Variants in MYO1D observed in about 807,000 individuals in gnomAD.
MYO1D encodes unconventional myosin-Id.
In MYO1D, 83 loss-of-function variants were observed where a neutral mutation model predicts 122.0. The ratio of observed to expected loss-of-function variants is 0.68; its 90% CI spans 0.57 to 0.82. The LOEUF is 0.82. Ranked by LOEUF, MYO1D falls within the 40% of genes least tolerant of loss-of-function variation. The pLI is 0.00. For missense variants in MYO1D, 1,157 were observed against 1,269.5 expected (o/e 0.91, Z 1.35); for synonymous variants, 464 against 446.9 (o/e 1.04, Z -0.48).
At chr17:32,524,129 TTG>T (rs1161346732) in intron 21 of MYO1D, among the ~76,000 whole-genome samples, 3 of 152,158 alleles carry the variant, frequency 2.0e-5, no homozygotes, top group Non-Finnish European at 4.4e-5. Context: ...AATAAAAAAG[TTG>T]TTGGTGCTTT....
intron 16 of MYO1D, among the ~76,000 whole-genome samples, 163 bp downstream of exon 16, chr17:32,711,825 G>T (rs1290911499): frequency 6.6e-6 from 1 of 152,138 alleles, no homozygotes; most frequent in Non-Finnish European, 1.5e-5. Flanking sequence ...GGGCAACCAA[G>T]TAAGTTTTCC....
intron 14 of MYO1D, among the ~76,000 whole-genome samples, chr17:32,728,298 C>T (rs774384084): frequency 1.3e-5 from 2 of 151,882 alleles, no homozygotes; most frequent in Non-Finnish European, 2.9e-5. Context: ...CTCGGACTCC[C>T]GGGTTCACGT....
intron 12 of MYO1D, among the ~76,000 whole-genome samples, chr17:32,747,555 G>A (rs1019368982): frequency 1.3e-5 from 2 of 152,104 alleles, no homozygotes; most frequent in Admixed American, 6.5e-5. Context: ...GAGGCAGAGC[G>A]GCCAGGCTCG....
intron 15 of MYO1D, among the ~76,000 whole-genome samples, chr17:32,714,566 T>G (rs1193094192): frequency 6.6e-6 from 1 of 152,160 alleles, no homozygotes; most frequent in African/African-American, 2.4e-5. Flanking sequence ...AAACAAGCAA[T>G]GGGGAAAGGA....
At chr17:32,802,640 C>T (rs2090470424) in intron 1 of MYO1D, among the ~76,000 whole-genome samples, 2 of 152,086 alleles carry the variant, frequency 1.3e-5, no homozygotes, top group South Asian at 4.2e-4. Context: ...GTAAGAAGAC[C>T]ATTAAAAACT....
rs571748672 is a variant in MYO1D at position 32,809,135 on chromosome 17, A to T, written c.96-28351T>A. ...GTTTTTATTCATTTTTGTTTTTGATAAAAAAAAAAAAAAAAACTGTCACCC... is the reference window on the plus strand; with the variant it reads ...GTTTTTATTCATTTTTGTTTTTGATTAAAAAAAAAAAAAAAACTGTCACCC... On this transcript the variant is annotated intron_variant, in intron 1 of 21. Transcript: ENST00000318217. Among the ~76,000 whole-genome samples the T allele has an allele frequency of 1.6e-3, 65 of 41,232 alleles. No individual in the cohort carries two copies. In the South Asian group the frequency reaches 0.032, roughly 20 times the overall value. The allele number at this position is 41,232 out of a possible 152,430, so 27.0% of individuals were successfully genotyped here.
chr17:32,506,459 G>A (rs1385623542), intron 21 of MYO1D, among the ~76,000 whole-genome samples: 4 of 152,042 alleles, frequency 2.6e-5, no homozygotes, highest in Admixed American at 2.0e-4. Context: ...ATAATAATGG[G>A]AAACAGATAC....
At chr17:32,562,395 A>G (rs1160967201) in intron 21 of MYO1D, among the ~76,000 whole-genome samples, 2 of 98,826 alleles carry the variant, frequency 2.0e-5, no homozygotes. Context: ...CCAGTTTTTT[A>G]CTATTTATAA....
intron 1 of MYO1D, among the ~76,000 whole-genome samples, chr17:32,804,194 T>C (rs965439629): frequency 5.9e-5 from 9 of 152,184 alleles, no homozygotes; most frequent in African/African-American, 1.9e-4. Context: ...TGCCCAATAC[T>C]ATGCAAACAC....
intron 21 of MYO1D, among the ~76,000 whole-genome samples, chr17:32,511,416 G>A (rs1408361916): frequency 6.6e-6 from 1 of 151,820 alleles, no homozygotes; most frequent in Non-Finnish European, 1.5e-5. Flanking sequence ...GTAGAGATGG[G>A]GTCTCACTAG....
rs183413125 is a variant in MYO1D at position 32,853,507 on chromosome 17, G to T, written c.95+23271C>A. On this transcript the variant is annotated intron_variant, in intron 1 of 21. Coordinates refer to ENST00000318217, the MANE Select transcript of MYO1D (RefSeq NM_015194.3). The stretch of plus-strand genomic sequence containing the variant: ...TCCGTTTACCTCCCAGAAATAGTTG[G>T]ATGCATCCTCCTCTGAGTTCCTGGG... Among the ~76,000 whole-genome samples, 48 of 152,242 alleles carry T rather than the reference G, an allele frequency of 3.2e-4. 1 individual carries two copies. The highest frequency in any genetic ancestry group is 6.8e-3 in the Middle Eastern group (2 of 294).
chr17:32,854,272 T>C (rs2091011166), intron 1 of MYO1D, among the ~76,000 whole-genome samples: 2 of 152,216 alleles, frequency 1.3e-5, no homozygotes, highest in South Asian at 4.1e-4. Flanking sequence ...CATAAGAGCT[T>C]ACATGAAGGA....
intron 21 of MYO1D, among the ~76,000 whole-genome samples, chr17:32,596,658 A>C (rs943884318): frequency 6.6e-6 from 1 of 152,246 alleles, no homozygotes; most frequent in Non-Finnish European, 1.5e-5. Flanking sequence ...GAAGAACAAG[A>C]AGCAGATGGC....
At chr17:32,511,171 C>T (rs545366216) in intron 21 of MYO1D, among the ~76,000 whole-genome samples, 71 of 151,948 alleles carry the variant, frequency 4.7e-4, no homozygotes, top group African/African-American at 1.7e-3. Context: ...CTTCTCTTCA[C>T]GTCTCTTCCT....
At chr17:32,814,535 C>T (rs1260703471) in intron 1 of MYO1D, among the ~76,000 whole-genome samples, 2 of 152,090 alleles carry the variant, frequency 1.3e-5, no homozygotes, top group East Asian at 3.8e-4. Flanking sequence ...TCAGAGTAGC[C>T]ATTTGTTGGC....
intron 21 of MYO1D, among the ~76,000 whole-genome samples, chr17:32,575,227 CTTT>C: frequency 6.6e-6 from 1 of 152,316 alleles, no homozygotes. Context: ...AATAAAGCTA[CTTT>C]TGGCCCAGCC....
intron 20 of MYO1D, 71 bp downstream of exon 20, chr17:32,638,650 CT>C: frequency 1.0e-6 from 1 of 987,580 alleles, no homozygotes; most frequent in Non-Finnish European, 1.6e-6. Flanking sequence ...AGAACTCAGT[CT>C]ATTGACCCAT....
At chr17:32,613,518 G>A (rs1166534165) in intron 20 of MYO1D, among the ~76,000 whole-genome samples, 1 of 152,116 alleles carries the variant, frequency 6.6e-6, no homozygotes, top group Non-Finnish European at 1.5e-5. Context: ...GCTCACGCCT[G>A]TAATCCCAGC....
chr17:32,654,562 G>C lies in MYO1D; in HGVS notation c.2405C>G (p.Ala802Gly). 2 of 1,614,016 alleles carry C rather than the reference G, an allele frequency of 1.2e-6. No individual in the cohort carries two copies. The highest frequency in any genetic ancestry group is 1.7e-6 in the Non-Finnish European group (2 of 1,179,940). ...CAACATTTCCACGGCTGCAACCTTT[G>C]CCCTGACCTGGGGCAGGTCTGAGGC... The part of the protein sequence containing the change: ...IPASDLPQVR[A>G]KVAAVEMLKG... The change falls in exon 18 of 22, where the codon GCA (alanine) becomes GGA (glycine). Residue 802 changes from alanine to glycine, a missense_variant. Ala to Gly is a moderately conservative substitution (Grantham distance 60). Transcript: ENST00000318217.
Sources: allele counts gnomAD v4.1 joint callset (sites outside exome capture counted in the v4.1 genomes callset), GRCh38; gene constraint gnomAD v4.1.1; transcripts MANE v1.5; gene names NCBI Gene and HGNC (gene_info 2026-07-23, HGNC 2026-07-21).